Variants in SHANK2 observed in about 807,000 individuals in gnomAD.
SHANK2 encodes SH3 and multiple ankyrin repeat domains 2, also known as SH3 and multiple ankyrin repeat domains protein 2.
Under a neutral mutation model 133.7 loss-of-function variants are expected in SHANK2, and 43 were observed. The observed-to-expected ratio is 0.32, with a 90% CI of 0.25 to 0.41. The LOEUF is 0.41. SHANK2 is among the 10% of genes least tolerant of loss of function. The pLI is 1.00. For synonymous variants in SHANK2, 1,017 were observed against 952.8 expected, an observed-to-expected ratio of 1.07 and a Z score of -1.24; for missense variants, 1,994 against 2,235.8, an observed-to-expected ratio of 0.89 and a Z score of 2.18.
At chr11:70,735,160 T>C (rs577465683) in intron 14 of SHANK2, among the ~76,000 whole-genome samples, 2 of 152,314 alleles carry the variant, frequency 1.3e-5, no homozygotes, top group Admixed American at 1.3e-4. Flanking sequence ...GGGAACCCAC[T>C]GCCCTGTGTT....
chr11:70,570,767 G>A (rs1373259918), intron 17 of SHANK2: 2 of 152,222 alleles, frequency 1.3e-5, no homozygotes, highest in Non-Finnish European at 2.9e-5. Flanking sequence ...GAGGCCCTCT[G>A]GGAATCAATG....
rs970890902 is a variant in SHANK2 at position 70,785,550 on chromosome 11, G to C, written c.1777+12893C>G. 3.3e-5 allele frequency among the ~76,000 whole-genome samples: 5 copies of C among 152,340 alleles called. No individual in the cohort carries two copies. In the South Asian group the frequency reaches 1.0e-3, roughly 32 times the overall value. ...GCAGAGGCAGCCTGCCGGTTGCAGG[G>C]AGAGGAGTCTGTTCCCAGTGAATGC... On this transcript the variant is annotated intron_variant, in intron 14 of 25. Transcript: ENST00000601538.
At chr11:70,825,100 G>A (rs538939074) in intron 11 of SHANK2, among the ~76,000 whole-genome samples, 12 of 152,226 alleles carry the variant, frequency 7.9e-5, no homozygotes, top group South Asian at 2.1e-4. Context: ...TCCCCGCCCC[G>A]ACAATGCAGC....
chr11:70,692,212 A>G (rs768668697), intron 15 of SHANK2, among the ~76,000 whole-genome samples: 7 of 152,334 alleles, frequency 4.6e-5, no homozygotes, highest in Middle Eastern at 3.4e-3. Context: ...CAGTTCTTAC[A>G]ACCTACACAC....
chr11:71,063,741 A>G (rs1951014471), intron 9 of SHANK2, among the ~76,000 whole-genome samples: 1 of 152,212 alleles, frequency 6.6e-6, no homozygotes, highest in Non-Finnish European at 1.5e-5. Flanking sequence ...TGAAGTATAA[A>G]TATAGAAGCA....
At chr11:70,511,010 C>T (rs1359929169) in intron 17 of SHANK2, among the ~76,000 whole-genome samples, 1 of 152,228 alleles carries the variant, frequency 6.6e-6, no homozygotes, top group East Asian at 1.9e-4. Flanking sequence ...TGAAGTCCTT[C>T]CCCAAAAGTA....
At chr11:70,474,774 C>G (rs566672881) in intron 25 of SHANK2, 1 of 152,370 alleles carries the variant, frequency 6.6e-6, no homozygotes, top group South Asian at 2.1e-4. Context: ...CCACGGCTCT[C>G]TCTTCAAGAC....
chr11:70,489,951 AG>A (rs1204432747), intron 23 of SHANK2: 2 of 373,774 alleles, frequency 5.4e-6, no homozygotes, highest in South Asian at 4.8e-5. Flanking sequence ...AGGGTGGGGG[AG>A]GGGGGTTGGC....
intron 3 of SHANK2, among the ~76,000 whole-genome samples, chr11:71,132,000 C>T (rs1445771568): frequency 6.6e-6 from 1 of 152,184 alleles, no homozygotes; most frequent in Non-Finnish European, 1.5e-5. Flanking sequence ...GAGTCCAACT[C>T]GATCCTGGCA....
intron 17 of SHANK2, among the ~76,000 whole-genome samples, chr11:70,515,053 A>AT (rs1284379013): frequency 6.6e-6 from 1 of 152,166 alleles, no homozygotes; most frequent in African/African-American, 2.4e-5. Context: ...GACAAAATAA[A>AT]TTTTTGACAC....
chr11:70,660,359 G>A (rs544349882), intron 16 of SHANK2, among the ~76,000 whole-genome samples: 10 of 152,316 alleles, frequency 6.6e-5, no homozygotes, highest in African/African-American at 2.2e-4. Flanking sequence ...TTACATCTAC[G>A]TAGACTCGCA....
intron 15 of SHANK2, among the ~76,000 whole-genome samples, chr11:70,679,288 A>C (rs1156937718): frequency 6.6e-6 from 1 of 152,140 alleles, no homozygotes; most frequent in Non-Finnish European, 1.5e-5. Context: ...TCCAGTGAGG[A>C]GCTCAAGGTC....
At chr11:70,646,829 T>TTTA (rs1491262147) in intron 17 of SHANK2, among the ~76,000 whole-genome samples, 1,662 of 81,874 alleles carry the variant, frequency 0.02, 8 homozygotes, top group South Asian at 0.032. Context: ...CTTTTATTTA[T>TTTA]TTTATTTATT....
chr11:70,706,716 G>A (rs2134549177), intron 14 of SHANK2, among the ~76,000 whole-genome samples: 1 of 149,794 alleles, frequency 6.7e-6, no homozygotes, highest in African/African-American at 2.5e-5. Context: ...GCTGTTTTCT[G>A]AGTATGGCCT....
At chr11:71,201,455 C>T (rs1415159148) in intron 2 of SHANK2, among the ~76,000 whole-genome samples, 1 of 152,236 alleles carries the variant, frequency 6.6e-6, no homozygotes, top group African/African-American at 2.4e-5. Context: ...CCACTGCACT[C>T]CAATGCCATG....
chr11:70,596,193 G>A (rs2060397749), intron 17 of SHANK2, among the ~76,000 whole-genome samples: 1 of 152,218 alleles, frequency 6.6e-6, no homozygotes. Flanking sequence ...GGCAGCCCAG[G>A]CGAGCCCCCT....
intron 10 of SHANK2, among the ~76,000 whole-genome samples, chr11:70,928,459 G>T (rs150056871): frequency 3.3e-4 from 50 of 152,262 alleles, no homozygotes; most frequent in Middle Eastern, 3.4e-3. Flanking sequence ...AACAGAGCAT[G>T]GTTGCCAGAA....
chr11:70,759,436 C>T (rs970622783), intron 14 of SHANK2, among the ~76,000 whole-genome samples: 1 of 152,044 alleles, frequency 6.6e-6, no homozygotes, highest in Non-Finnish European at 1.5e-5. Flanking sequence ...GAGCCCAGAT[C>T]GCACCACTGC....
intron 7 of SHANK2, 100 bp from the exon 8 acceptor site, chr11:71,092,689 T>C: frequency 1.7e-6 from 2 of 1,203,022 alleles, no homozygotes. Flanking sequence ...CTCCCCCAGG[T>C]CAAGGCAACC....
Sources: gnomAD v4.1 joint callset for allele counts (sites outside exome capture counted in the v4.1 genomes callset) on GRCh38, gnomAD v4.1.1 for gene constraint, MANE v1.5 for transcripts, NCBI Gene and HGNC (gene_info 2026-07-23, HGNC 2026-07-21) for gene names.